ATRX: variants seen among roughly 807,000 people sequenced by gnomAD.
ATRX encodes chromatin remodeler ATRX.
ATRX carries 12 observed loss-of-function variants against 172.6 expected under a neutral mutation model. The ratio of observed to expected loss-of-function variants is 0.07; its 90% CI spans 0.04 to 0.11. The LOEUF (loss-of-function observed/expected upper bound fraction) is 0.11, where lower values mean the gene tolerates loss of function less well. ATRX is among the 10% of genes least tolerant of loss of function. The probability of loss-of-function intolerance (pLI) is 1.00; values close to 1 mark genes in which losing one functional copy is unlikely to be tolerated. For missense variants in ATRX, 1,368 were observed against 1,767.4 expected, an observed-to-expected ratio of 0.77 and a Z score of 4.05; for synonymous variants, 674 against 594.7, an observed-to-expected ratio of 1.13 and a Z score of -1.94.
At chrX:77,689,974 T>C (rs180930438) in intron 6 of ATRX, among the ~76,000 whole-genome samples, 155 of 112,425 alleles carry the variant, frequency 1.4e-3, no homozygotes, top group African/African-American at 4.6e-3. Flanking sequence ...ACATCACATA[T>C]ATTTTTCACC....
At chrX:77,680,814 A>T (rs1247379899) in intron 9 of ATRX, among the ~76,000 whole-genome samples, 1 of 111,709 alleles carries the variant, frequency 9.0e-6, no homozygotes, top group Non-Finnish European at 1.9e-5. Flanking sequence ...TTCAATAATA[A>T]AAACTTATTT....
chrX:77,758,305 G>A (rs1280448330), intron 1 of ATRX, among the ~76,000 whole-genome samples: 3 of 106,591 alleles, frequency 2.8e-5, no homozygotes, highest in South Asian at 4.3e-4. Flanking sequence ...CAGGAGAATC[G>A]CTTGAACCCG....
chrX:77,698,609 T>C lies in ATRX; in HGVS notation c.154A>G (p.Ser52Gly), dbSNP rs2072320800. ...QNTDKISGSG[S>G]NSDMMENSKE... is the part of the protein sequence containing the mutation. ...CTGTTTTCCATCATATCAGAGTTAC[T>C]TCCAGAACCACTGATTTTATCTAAA... Residue 52 changes from serine to glycine, a missense_variant, in exon 3 of 35, where the codon AGT becomes GGT. By Grantham distance (56) the Ser-to-Gly change is moderately conservative. Around this residue, in one of 17 missense-constraint regions of ATRX, gnomAD observed 84 missense variants for 82.8 expected, o/e 1.01. Transcript: ENST00000373344. 1 of 1,204,015 alleles carries C rather than the reference T, an allele frequency of 8.3e-7. No homozygotes were observed.
intron 25 of ATRX, 84 bp downstream of exon 25, chrX:77,599,327 A>T: frequency 9.7e-7 from 1 of 1,034,847 alleles, no homozygotes; most frequent in Non-Finnish European, 1.4e-6. Context: ...TCAATTAGTC[A>T]GGTAAGTGAC....
intron 27 of ATRX, among the ~76,000 whole-genome samples, chrX:77,576,020 G>A (rs1557070126): frequency 9.0e-6 from 1 of 111,123 alleles, no homozygotes; most frequent in African/African-American, 3.3e-5. Flanking sequence ...CAGTGGTAAT[G>A]GTAATGGTAG....
chrX:77,590,256 A>T (rs1557079468), intron 26 of ATRX, among the ~76,000 whole-genome samples: 1 of 111,163 alleles, frequency 9.0e-6, no homozygotes, highest in Non-Finnish European at 1.9e-5. Context: ...ATAGAGAGCC[A>T]CATAGGATAA....
At chrX:77,514,929 C>T (rs2063001080) in intron 34 of ATRX, among the ~76,000 whole-genome samples, 1 of 111,555 alleles carries the variant, frequency 9.0e-6, no homozygotes, top group East Asian at 2.8e-4. Flanking sequence ...AATAACAACC[C>T]CATTAAAAAG....
chrX:77,557,308 T>A, intron 30 of ATRX, 143 bp downstream of exon 30: 1 of 555,301 alleles, frequency 1.8e-6, no homozygotes, highest in East Asian at 3.6e-5. Context: ...TATAATTTTC[T>A]AGACAAAATT....
intron 1 of ATRX, among the ~76,000 whole-genome samples, chrX:77,718,305 G>C (rs1416823836): frequency 1.8e-5 from 2 of 108,187 alleles, no homozygotes; most frequent in East Asian, 2.9e-4. Context: ...AAATACAACA[G>C]GACTTGCAAG....
In ATRX at chrX:77,737,321, G is replaced by A. The variant is rs2074620564; in HGVS notation, c.21-20078C>T. Among the ~76,000 whole-genome samples, 4 of 105,273 alleles carry A rather than the reference G, an allele frequency of 3.8e-5. No homozygotes were observed. The Admixed American group carries it at 4.2e-4, about 11-fold the overall frequency. The allele number at this position is 105,273 out of a possible 115,157, so 91.4% of individuals were successfully genotyped here. ...GCCTGTAATCCCAGCTACTCGGGAG[G>A]CTGAGGCAGCAGAATCATTTGAACC... On this transcript the variant is annotated intron_variant, in intron 1 of 34. Transcript: ENST00000373344.
At chrX:77,636,678 A>G (rs2068365486) in intron 15 of ATRX, among the ~76,000 whole-genome samples, 1 of 110,289 alleles carries the variant, frequency 9.1e-6, no homozygotes, top group Non-Finnish European at 1.9e-5. Flanking sequence ...ATTTAGCTCA[A>G]CAGATCTCAC....
At chrX:77,773,291 G>A (rs1399358240) in intron 1 of ATRX, among the ~76,000 whole-genome samples, 1 of 109,634 alleles carries the variant, frequency 9.1e-6, no homozygotes, top group Admixed American at 1.0e-4. Flanking sequence ...ATTCATAATC[G>A]GGGTGGTTGG....
At chrX:77,541,004 T>C (rs982187917) in intron 30 of ATRX, among the ~76,000 whole-genome samples, 2 of 110,231 alleles carry the variant, frequency 1.8e-5, no homozygotes, top group Non-Finnish European at 3.8e-5. Flanking sequence ...AAAAAAACCT[T>C]CAAAAAAAAT....
chrX:77,706,828 C>G (rs1052963931), intron 2 of ATRX, among the ~76,000 whole-genome samples: 1 of 111,371 alleles, frequency 9.0e-6, no homozygotes, highest in Admixed American at 9.6e-5. Context: ...ATTGCTTGTA[C>G]CCAGGAGTTC....
At chrX:77,562,320 TGA>T (rs2065047019) in intron 28 of ATRX, among the ~76,000 whole-genome samples, 2 of 112,335 alleles carry the variant, frequency 1.8e-5, no homozygotes, top group African/African-American at 6.5e-5. Context: ...GATACATTTC[TGA>T]GAGTGTAATT....
intron 24 of ATRX, 27 bp from the exon 25 acceptor site, chrX:77,599,607 A>AC: frequency 7.5e-6 from 9 of 1,206,385 alleles, no homozygotes; most frequent in Non-Finnish European, 1.0e-5. Flanking sequence ...AAACAAACAA[A>AC]AAAACACATT....
chrX:77,520,090 T>C (rs1411396527), intron 34 of ATRX, among the ~76,000 whole-genome samples: 2 of 112,045 alleles, frequency 1.8e-5, no homozygotes, highest in African/African-American at 6.5e-5. Context: ...CACTTATTTC[T>C]GGAAGCTAAA....
intron 30 of ATRX, among the ~76,000 whole-genome samples, chrX:77,529,267 CA>C (rs781850472): frequency 9.0e-6 from 1 of 111,523 alleles, no homozygotes; most frequent in Non-Finnish European, 1.9e-5. Flanking sequence ...CACAACCTAG[CA>C]AGACAGGCCA....
intron 15 of ATRX, among the ~76,000 whole-genome samples, chrX:77,637,959 A>AC (rs2068471232): frequency 1.1e-5 from 1 of 87,261 alleles, no homozygotes; most frequent in Non-Finnish European, 2.4e-5. Flanking sequence ...AAAAAAAAAA[A>AC]CACAAACAAA....
Sources: allele counts gnomAD v4.1 joint callset (sites outside exome capture counted in the v4.1 genomes callset), GRCh38; gene constraint gnomAD v4.1.1; regional missense constraint gnomAD v4.1.1; transcripts MANE v1.5; gene names NCBI Gene and HGNC (gene_info 2026-07-23, HGNC 2026-07-21).